VPS13B: variants seen among roughly 807,000 people sequenced by gnomAD.
VPS13B encodes intermembrane lipid transfer protein VPS13B.
A neutral mutation model predicts 426.4 loss-of-function variants in VPS13B; 285 were observed. That is an observed-to-expected ratio of 0.67 (90% CI 0.61 to 0.74). VPS13B has a LOEUF of 0.74. Among genes scored for constraint, VPS13B ranks in the 30% least tolerant of loss-of-function variants. The pLI, the probability that VPS13B is intolerant of heterozygous loss-of-function variation, is 0.00. For synonymous variants in VPS13B, 1,676 were observed against 1,676.4 expected (o/e 1.00, Z 0.01); for missense variants, 4,537 against 4,782.6 (o/e 0.95, Z 1.51).
In VPS13B at chr8:99,859,624, A is replaced by G. The variant is rs561989168; in HGVS notation, c.11044+144A>G. ...GCTTGCAGTGAGAGTTTGGGTTTGT[A>G]ACAAAGCTCATATATAATGTCTTAT... On this transcript the variant is annotated intron_variant, in intron 57 of 61. Coordinates refer to ENST00000357162, the MANE Select transcript of VPS13B (RefSeq NM_152564.5). 3.6e-5 allele frequency: 39 copies of G among 1,072,646 alleles called. 1 individual carries two copies. The African/African-American group carries it at 5.4e-4, about 15-fold the overall frequency. 66.4% of individuals were successfully genotyped at this position (1,072,646 alleles called of 1,614,324 possible). A position where few individuals can be genotyped will look rare whatever the true frequency, so the allele number is the denominator to read the frequency against.
chr8:99,505,712 A>G (rs1821462714), intron 27 of VPS13B, among the ~76,000 whole-genome samples: 1 of 152,202 alleles, frequency 6.6e-6, no homozygotes, highest in African/African-American at 2.4e-5. Context: ...CAGAGACTGG[A>G]AGTCAGCATA....
intron 19 of VPS13B, among the ~76,000 whole-genome samples, chr8:99,328,385 T>C (rs1445882851): frequency 6.6e-6 from 1 of 152,154 alleles, no homozygotes. Context: ...AAAAATTCTG[T>C]GGGAACTATT....
chr8:99,555,294 A>G (rs1281332373), intron 30 of VPS13B, among the ~76,000 whole-genome samples: 1 of 152,032 alleles, frequency 6.6e-6, no homozygotes, highest in Non-Finnish European at 1.5e-5. Context: ...TCTGACCTCC[A>G]CACCTTCTTA....
intron 39 of VPS13B, among the ~76,000 whole-genome samples, chr8:99,737,178 G>T (rs3099851): frequency 1 from 137,987 of 137,994 alleles, 68,990 homozygotes; most frequent in Middle Eastern, 1. Context: ...TGGAGTGCAG[G>T]GGCGCGATCT....
chr8:99,068,757 AACTC>A (rs1231349987), intron 3 of VPS13B, among the ~76,000 whole-genome samples: 2 of 152,104 alleles, frequency 1.3e-5, no homozygotes, highest in Admixed American at 6.6e-5. Flanking sequence ...ATCTCATGAG[AACTC>A]ACTCACTATC....
chr8:99,194,284 A>G (rs1461160873), intron 17 of VPS13B, among the ~76,000 whole-genome samples: 1 of 152,190 alleles, frequency 6.6e-6, no homozygotes, highest in Non-Finnish European at 1.5e-5. Context: ...CTGAAGTAGT[A>G]TGCAAATTTT....
intron 3 of VPS13B, among the ~76,000 whole-genome samples, chr8:99,039,436 A>T (rs932949033): frequency 3.9e-5 from 6 of 151,982 alleles, no homozygotes; most frequent in Admixed American, 3.9e-4. Context: ...TCTACCAAAA[A>T]TTTTCCAATC....
intron 14 of VPS13B, among the ~76,000 whole-genome samples, chr8:99,150,864 GT>G: frequency 6.6e-6 from 1 of 152,190 alleles, no homozygotes; most frequent in Non-Finnish European, 1.5e-5. Context: ...ACGTTTTGGT[GT>G]GGGCATGTTT....
intron 17 of VPS13B, chr8:99,233,442 C>T: frequency 1.5e-6 from 2 of 1,298,826 alleles, no homozygotes; most frequent in Non-Finnish European, 2.2e-6. Context: ...CCCCTTTCTT[C>T]CCGATGATGG....
intron 25 of VPS13B, among the ~76,000 whole-genome samples, chr8:99,492,079 A>C (rs916134828): frequency 6.6e-6 from 1 of 152,036 alleles, no homozygotes; most frequent in African/African-American, 2.4e-5. Flanking sequence ...TGTTGATGCT[A>C]TTCCTTTCTG....
chr8:99,589,460 G>GT lies in VPS13B; in HGVS notation c.5220+11833dup, dbSNP rs1390757397. ...TATGAGTGAGAACATGCGGTGTTTG[G>GT]TTTTTTGTCCTTGCGATAGTTTTCT... On this transcript the variant is annotated intron_variant, in intron 33 of 61. Transcript: ENST00000357162. 2.0e-5 allele frequency among the ~76,000 whole-genome samples: 3 copies of GT among 151,658 alleles called. No individual in the cohort carries two copies. In the South Asian group the frequency reaches 6.2e-4, roughly 31 times the overall value.
intron 21 of VPS13B, among the ~76,000 whole-genome samples, chr8:99,423,192 C>G (rs1440665560): frequency 6.6e-6 from 1 of 151,922 alleles, no homozygotes; most frequent in Non-Finnish European, 1.5e-5. Flanking sequence ...TTGCATGCAC[C>G]CTCACAACTT....
At chr8:99,110,338 G>T (rs889023291) in intron 5 of VPS13B, among the ~76,000 whole-genome samples, 3 of 152,048 alleles carry the variant, frequency 2.0e-5, no homozygotes, top group Admixed American at 2.0e-4. Context: ...TAAGAAATAA[G>T]AAATATTGAT....
intron 39 of VPS13B, among the ~76,000 whole-genome samples, chr8:99,744,513 A>T (rs1164672951): frequency 6.6e-6 from 1 of 152,218 alleles, no homozygotes; most frequent in East Asian, 1.9e-4. Context: ...ATAAAGACAC[A>T]TGCACACGTA....
At chr8:99,323,064 C>T (rs1271199873) in intron 19 of VPS13B, among the ~76,000 whole-genome samples, 1 of 152,132 alleles carries the variant, frequency 6.6e-6, no homozygotes, top group Admixed American at 6.6e-5. Context: ...GATCTTCAGC[C>T]TAGAGGGTGG....
Position 99,861,965 on chromosome 8 carries a change from T to G in VPS13B, c.11215+19T>G, listed in dbSNP as rs1448182571. 1 of 1,567,164 alleles carries G rather than the reference T, an allele frequency of 6.4e-7. No individual in the cohort carries two copies. Among genetic ancestry groups the G allele is most frequent in the African/African-American group, 1.3e-5 (1 of 74,074 alleles). Reference sequence around the variant, plus strand: ...CTGCTTGGTAAGGGGCTGCGGGGCCTCCCACCTGTCTGTACTCCAGCAGGC... The same window carrying G: ...CTGCTTGGTAAGGGGCTGCGGGGCCGCCCACCTGTCTGTACTCCAGCAGGC... On this transcript the variant is annotated intron_variant, in intron 58 of 61. Coordinates refer to ENST00000357162, the MANE Select transcript of VPS13B (RefSeq NM_152564.5).
chr8:99,842,260 C>T lies in VPS13B; in HGVS notation c.9943-6516C>T, dbSNP rs1007436666. ...TAGCATATTTTCAGATCAGTTTAGA[C>T]ATATCAACTTGCAGCAAAAGATGAG... On this transcript the variant is annotated intron_variant, in intron 54 of 61. Transcript: ENST00000357162. 2.5e-4 allele frequency among the ~76,000 whole-genome samples: 38 copies of T among 152,166 alleles called. 1 individual carries two copies. Among genetic ancestry groups the T allele is most frequent in the African/African-American group, 8.9e-4 (37 of 41,430 alleles).
At chr8:99,428,080 C>T (rs934811087) in intron 21 of VPS13B, among the ~76,000 whole-genome samples, 3 of 152,206 alleles carry the variant, frequency 2.0e-5, no homozygotes, top group East Asian at 1.9e-4. Context: ...TACTGGCTAG[C>T]CATATGTAGA....
intron 2 of VPS13B, 58 bp from the exon 3 acceptor site, chr8:99,038,365 A>G (rs1842833911): frequency 7.3e-7 from 1 of 1,375,418 alleles, no homozygotes; most frequent in Admixed American, 2.2e-5. Flanking sequence ...AAATTTGCAT[A>G]TTATAATAAA....
Sources: allele counts gnomAD v4.1 joint callset (sites outside exome capture counted in the v4.1 genomes callset), GRCh38; gene constraint gnomAD v4.1.1; transcripts MANE v1.5; gene names NCBI Gene and HGNC (gene_info 2026-07-23, HGNC 2026-07-21).